Variants in ZNF407 observed in about 807,000 individuals in gnomAD.
ZNF407 encodes zinc finger protein 407.
A neutral mutation model predicts 131.2 loss-of-function variants in ZNF407; 17 were observed. The observed-to-expected ratio is 0.13, with a 90% CI of 0.09 to 0.19. ZNF407 has a LOEUF of 0.19. Among genes scored for constraint, ZNF407 ranks in the 10% least tolerant of loss-of-function variants. The pLI, the probability that ZNF407 is intolerant of heterozygous loss-of-function variation, is 1.00. For synonymous variants in ZNF407, 1,156 were observed against 1,062.0 expected (o/e 1.09, Z -1.72); for missense variants, 2,681 against 2,830.6 (o/e 0.95, Z 1.20).
chr18:74,754,283 C>T (rs548709029), intron 3 of ZNF407, among the ~76,000 whole-genome samples: 2 of 152,168 alleles, frequency 1.3e-5, no homozygotes, highest in Admixed American at 6.5e-5. Flanking sequence ...TTCTGTTGAT[C>T]TTTTCAAAAA....
At chr18:75,015,837 G>A (rs778746055) in intron 8 of ZNF407, among the ~76,000 whole-genome samples, 1 of 151,838 alleles carries the variant, frequency 6.6e-6, no homozygotes, top group East Asian at 1.9e-4. Context: ...AATGTGACAG[G>A]CTTTACAGAT....
At chr18:74,750,831 A>G (rs148455863) in intron 3 of ZNF407, among the ~76,000 whole-genome samples, 2 of 152,146 alleles carry the variant, frequency 1.3e-5, no homozygotes, top group Non-Finnish European at 2.9e-5. Context: ...ATTTCTCTGT[A>G]TCCTCAACAA....
intron 3 of ZNF407, among the ~76,000 whole-genome samples, chr18:74,763,904 G>T (rs970022388): frequency 1.3e-5 from 2 of 150,908 alleles, no homozygotes; most frequent in African/African-American, 4.9e-5. Context: ...TAGTAGAGAC[G>T]GGGTTTCACC....
intron 7 of ZNF407, among the ~76,000 whole-genome samples, chr18:74,915,497 T>TG (rs1971740915): frequency 2.0e-5 from 1 of 50,088 alleles, no homozygotes; most frequent in African/African-American, 6.6e-5. Context: ...TGTGTGTGTG[T>TG]TCATGCATGT....
intron 7 of ZNF407, among the ~76,000 whole-genome samples, chr18:74,901,373 GT>G (rs1971522684): frequency 1.3e-5 from 2 of 152,124 alleles, no homozygotes; most frequent in Admixed American, 6.5e-5. Context: ...AGATAGTTCT[GT>G]TTTGTACATA....
chr18:74,974,186 C>T (rs558822783), intron 8 of ZNF407, among the ~76,000 whole-genome samples: 1 of 152,120 alleles, frequency 6.6e-6, no homozygotes, highest in African/African-American at 2.4e-5. Flanking sequence ...CCTGTGTATC[C>T]TTCGAAGTAG....
intron 8 of ZNF407, among the ~76,000 whole-genome samples, chr18:74,969,551 G>A (rs1162017702): frequency 6.6e-6 from 1 of 152,206 alleles, no homozygotes. Context: ...GAACTCTGCT[G>A]TGGCTGCCTG....
At chr18:74,984,656 G>C (rs1442995415) in intron 8 of ZNF407, among the ~76,000 whole-genome samples, 1 of 152,180 alleles carries the variant, frequency 6.6e-6, no homozygotes, top group Non-Finnish European at 1.5e-5. Flanking sequence ...AAAACTAAAT[G>C]ATGGTTAAGA....
chr18:74,601,859 G>T (rs1354581675), intron 1 of ZNF407, among the ~76,000 whole-genome samples: 1 of 152,148 alleles, frequency 6.6e-6, no homozygotes, highest in Non-Finnish European at 1.5e-5. Flanking sequence ...CTGTTTCGAG[G>T]GGAATCAGTA....
chr18:74,824,960 C>T (rs1399287520), intron 4 of ZNF407, among the ~76,000 whole-genome samples: 1 of 152,186 alleles, frequency 6.6e-6, no homozygotes, highest in Non-Finnish European at 1.5e-5. Flanking sequence ...GGAACATCCT[C>T]AAGAAAATAC....
chr18:74,947,866 C>T (rs1410009625), intron 8 of ZNF407, among the ~76,000 whole-genome samples: 1 of 152,246 alleles, frequency 6.6e-6, no homozygotes, highest in Non-Finnish European at 1.5e-5. Context: ...CATTTCTTTT[C>T]TCCATTTCTT....
intron 7 of ZNF407, among the ~76,000 whole-genome samples, chr18:74,914,256 G>A (rs983254810): frequency 7.9e-5 from 12 of 152,176 alleles, no homozygotes; most frequent in African/African-American, 2.9e-4. Context: ...CTTCCTCAGC[G>A]GAAAGCCTGG....
intron 3 of ZNF407, among the ~76,000 whole-genome samples, chr18:74,667,512 G>A (rs561905608): frequency 1.7e-4 from 26 of 152,300 alleles, no homozygotes; most frequent in Non-Finnish European, 3.2e-4. Flanking sequence ...GTCAGGTTGC[G>A]TACTCGTCTC....
chr18:74,956,376 T>A (rs1028368987), intron 8 of ZNF407, among the ~76,000 whole-genome samples: 5 of 152,126 alleles, frequency 3.3e-5, no homozygotes, highest in African/African-American at 1.2e-4. Context: ...ATAAGGTTTT[T>A]GGCAGCCATT....
At chr18:74,939,406 A>G (rs1972072958) in intron 8 of ZNF407, among the ~76,000 whole-genome samples, 1 of 152,240 alleles carries the variant, frequency 6.6e-6, no homozygotes, top group Non-Finnish European at 1.5e-5. Flanking sequence ...CAATGCAATA[A>G]TTTGAGATCA....
At chr18:74,991,286 G>A (rs554660963) in intron 8 of ZNF407, among the ~76,000 whole-genome samples, 33 of 152,318 alleles carry the variant, frequency 2.2e-4, no homozygotes, top group African/African-American at 7.9e-4. Flanking sequence ...CACACACTTC[G>A]ATTTGGGTTA....
chr18:74,779,109 A>ATATATATATATATATTTTTTTTTTT (rs397943457), intron 3 of ZNF407, among the ~76,000 whole-genome samples: 1 of 24,376 alleles, frequency 4.1e-5, no homozygotes, highest in Non-Finnish European at 7.2e-5. Flanking sequence ...ATATATATAT[A>ATATATATATATATATTTTTTTTTTT]TTTTTTTTTT....
chr18:74,846,671 T>C (rs970204994), intron 4 of ZNF407, among the ~76,000 whole-genome samples: 1 of 151,632 alleles, frequency 6.6e-6, no homozygotes, highest in South Asian at 2.1e-4. Flanking sequence ...TGAACACCTT[T>C]AGAGAATATA....
chr18:74,858,684 C>G (rs1970894223), intron 4 of ZNF407, among the ~76,000 whole-genome samples: 1 of 152,118 alleles, frequency 6.6e-6, no homozygotes, highest in African/African-American at 2.4e-5. Context: ...CCTTATTGAT[C>G]TCAATGTTTC....
Sources: gnomAD v4.1 joint callset for allele counts (sites outside exome capture counted in the v4.1 genomes callset) on GRCh38, gnomAD v4.1.1 for gene constraint, MANE v1.5 for transcripts, NCBI Gene and HGNC (gene_info 2026-07-23, HGNC 2026-07-21) for gene names.